The following DLGAP2 variants were observed in gnomAD, a reference collection of about 807,000 sequenced individuals.
DLGAP2 encodes DLG associated protein 2.
In DLGAP2, 26 loss-of-function variants were observed where a neutral mutation model predicts 100.3. The ratio of observed to expected loss-of-function variants is 0.26; its 90% CI spans 0.19 to 0.36. The LOEUF (loss-of-function observed/expected upper bound fraction) is 0.36. Among genes scored for constraint, DLGAP2 ranks in the 10% least tolerant of loss-of-function variants. The pLI, the probability that DLGAP2 is intolerant of heterozygous loss-of-function variation, is 1.00. For synonymous variants in DLGAP2, 886 were observed against 630.1 expected, an observed-to-expected ratio of 1.41 and a Z score of -6.08; for missense variants, 1,858 against 1,453.2, an observed-to-expected ratio of 1.28 and a Z score of -4.53.
chr8:1,487,899 G>C (rs1161021818), intron 3 of DLGAP2, among the ~76,000 whole-genome samples: 1 of 152,172 alleles, frequency 6.6e-6, no homozygotes, highest in Non-Finnish European at 1.5e-5. Context: ...CACAGTTGCT[G>C]GAGCTGCTCT....
intron 2 of DLGAP2, among the ~76,000 whole-genome samples, chr8:1,033,659 C>A (rs185341883): frequency 6.6e-6 from 1 of 152,124 alleles, no homozygotes; most frequent in African/African-American, 2.4e-5. Context: ...AGAGGGAGAC[C>A]GTGTTACCCC....
At chr8:1,315,329 G>A (rs1178226942) in intron 3 of DLGAP2, among the ~76,000 whole-genome samples, 8 of 147,930 alleles carry the variant, frequency 5.4e-5, no homozygotes, top group African/African-American at 1.2e-4. Flanking sequence ...GTCTACACTC[G>A]AGAAACTCGG....
chr8:1,358,754 ATTC>A (rs951708409), intron 3 of DLGAP2, among the ~76,000 whole-genome samples: 2 of 151,996 alleles, frequency 1.3e-5, no homozygotes, highest in African/African-American at 4.8e-5. Context: ...ACCCTGGCCT[ATTC>A]TTCTGCGGTG....
intron 2 of DLGAP2, among the ~76,000 whole-genome samples, chr8:1,239,382 C>A (rs1421564778): frequency 1.3e-4 from 3 of 23,458 alleles, no homozygotes; most frequent in Admixed American, 4.3e-4. Context: ...GTCTAGTTCT[C>A]TCACGTGGTG....
At chr8:1,535,132 G>A (rs1003954205) in intron 4 of DLGAP2, among the ~76,000 whole-genome samples, 4 of 152,242 alleles carry the variant, frequency 2.6e-5, no homozygotes, top group African/African-American at 9.6e-5. Flanking sequence ...CCCTGTCTCA[G>A]CAAGTGCTGG....
chr8:1,176,269 C>G (rs1282348633), intron 2 of DLGAP2, among the ~76,000 whole-genome samples: 4 of 152,122 alleles, frequency 2.6e-5, no homozygotes, highest in African/African-American at 9.7e-5. Flanking sequence ...CTCATTACCA[C>G]AAGAATAGCA....
At chr8:1,223,340 C>T (rs978027016) in intron 2 of DLGAP2, among the ~76,000 whole-genome samples, 8 of 152,180 alleles carry the variant, frequency 5.3e-5, no homozygotes, top group African/African-American at 1.9e-4. Flanking sequence ...CTGTGAGAAG[C>T]GCTTCCCGTG....
intron 3 of DLGAP2, among the ~76,000 whole-genome samples, chr8:1,376,367 A>C (rs576287043): frequency 2.6e-5 from 4 of 152,218 alleles, no homozygotes; most frequent in Non-Finnish European, 4.4e-5. Context: ...AGCATCGGCC[A>C]CGGGGGCCTG....
chr8:1,458,001 TA>T (rs1798366193), intron 3 of DLGAP2, among the ~76,000 whole-genome samples: 1 of 136,436 alleles, frequency 7.3e-6, no homozygotes, highest in African/African-American at 2.8e-5. Context: ...TATATATATA[TA>T]TATATATATA....
intron 4 of DLGAP2, among the ~76,000 whole-genome samples, chr8:1,513,786 C>G (rs964691580): frequency 6.6e-6 from 1 of 152,170 alleles, no homozygotes; most frequent in East Asian, 1.9e-4. Flanking sequence ...GGCACCCTTC[C>G]CCCAGTTTCA....
At chr8:1,651,933 C>T (rs1170209589) in intron 8 of DLGAP2, among the ~76,000 whole-genome samples, 2 of 152,210 alleles carry the variant, frequency 1.3e-5, no homozygotes, top group Admixed American at 6.5e-5. Context: ...CATGAGGCAG[C>T]ACTCAGAGCC....
At chr8:1,481,331 G>A (rs1021425136) in intron 3 of DLGAP2, among the ~76,000 whole-genome samples, 17 of 152,074 alleles carry the variant, frequency 1.1e-4, no homozygotes, top group Non-Finnish European at 1.5e-4. Flanking sequence ...GAGCGTGACC[G>A]TTCAGAGACC....
At chr8:1,418,178 C>T (rs976454905) in intron 3 of DLGAP2, among the ~76,000 whole-genome samples, 1 of 152,222 alleles carries the variant, frequency 6.6e-6, no homozygotes, top group Admixed American at 6.5e-5. Flanking sequence ...TTTTCAAAGA[C>T]CTTGATCTTG....
In DLGAP2 at chr8:1,549,132, G is replaced by T. The variant is rs1318485470; in HGVS notation, c.679G>T (p.Gly227Trp). The T allele has an allele frequency of 1.3e-6, 2 of 1,590,006 alleles. No homozygotes were observed. The highest frequency in any genetic ancestry group is 1.3e-5 in the African/African-American group (1 of 74,460). The stretch of plus-strand genomic sequence containing the variant: ...CGCCGAGCAGCGCAGCGAGAGCCCC[G>T]GGCGGATCCGCCACCTGGTACACTC... ...AAAEQRSESPGRIRHLVHSVQ... is the reference protein window; with the variant it reads ...AAAEQRSESPWRIRHLVHSVQ... The change falls in exon 5 of 15, where the codon GGG (glycine) becomes TGG (tryptophan). Residue 227 changes from glycine to tryptophan, a missense_variant. Coordinates refer to ENST00000637795, the MANE Select transcript of DLGAP2 (RefSeq NM_001346810.2).
chr8:948,015 C>T (rs1013923004), intron 2 of DLGAP2, among the ~76,000 whole-genome samples: 1 of 149,942 alleles, frequency 6.7e-6, no homozygotes, highest in Non-Finnish European at 1.5e-5. Context: ...CCATGGCTCC[C>T]CCGACCCCGT....
rs75285649 is a variant in DLGAP2 at position 1,123,081 on chromosome 8, A to G, written c.74-135770A>G. ...TATTCAAATGTATTTGAAAATAACT[A>G]TGCAAATCTTTCTGTCAAAATATCT... On this transcript the variant is annotated intron_variant, in intron 2 of 14. Transcript: ENST00000637795. 3.5e-3 allele frequency among the ~76,000 whole-genome samples: 532 copies of G among 152,340 alleles called. 1 individual carries two copies. The highest frequency in any genetic ancestry group is 0.012 in the African/African-American group (500 of 41,568).
chr8:1,042,816 ATGTGGG>A (rs1802395896), intron 2 of DLGAP2, among the ~76,000 whole-genome samples: 2 of 15,570 alleles, frequency 1.3e-4, no homozygotes, highest in African/African-American at 4.4e-4. Context: ...TGGGTGGTGG[ATGTGGG>A]TGGTGGGTGT....
chr8:1,477,258 G>T lies in DLGAP2; in HGVS notation c.107-24108G>T, dbSNP rs966033470. 1.2e-4 allele frequency among the ~76,000 whole-genome samples: 19 copies of T among 152,310 alleles called. No individual in the cohort carries two copies. The South Asian group carries it at 3.5e-3, about 28-fold the overall frequency. On this transcript the variant is annotated intron_variant, in intron 3 of 14. Transcript: ENST00000637795. Reference sequence around the variant, plus strand: ...TGCCTAGGTCAGGTCTCAGATGACGGCTGGAAGGTACTGGACCATAACACA... The same window carrying T: ...TGCCTAGGTCAGGTCTCAGATGACGTCTGGAAGGTACTGGACCATAACACA...
intron 1 of DLGAP2, chr8:883,304 C>T (rs1021392720): frequency 6.6e-6 from 1 of 152,206 alleles, no homozygotes; most frequent in Non-Finnish European, 1.5e-5. Context: ...GGGTGAGTCA[C>T]CTGAGGCACT....
Sources: gnomAD v4.1 joint callset for allele counts (sites outside exome capture counted in the v4.1 genomes callset) on GRCh38, gnomAD v4.1.1 for gene constraint, MANE v1.5 for transcripts, NCBI Gene and HGNC (gene_info 2026-07-23, HGNC 2026-07-21) for gene names.